Variants in RGS6 observed in about 807,000 individuals in gnomAD.
RGS6 encodes the protein regulator of G-protein signaling 6.
A neutral mutation model predicts 78.5 loss-of-function variants in RGS6; 30 were observed. The observed-to-expected ratio is 0.38, with a 90% CI of 0.29 to 0.52. The LOEUF (loss-of-function observed/expected upper bound fraction) is 0.52, where lower values mean the gene tolerates loss of function less well. Among genes scored for constraint, RGS6 ranks in the 20% least tolerant of loss-of-function variants. The probability of loss-of-function intolerance (pLI) is 0.85; values close to 1 mark genes in which losing one functional copy is unlikely to be tolerated. For missense variants in RGS6, 495 were observed against 609.7 expected (o/e 0.81, Z 1.98); for synonymous variants, 206 against 206.0 (o/e 1.00, Z 0.00).
In RGS6 at chr14:72,122,740, G is replaced by GGTTTTTTTTTTTTTTTTTTTTT. The variant is rs776587742; in HGVS notation, c.84+157865_84+157866insGTTTTTTTTTTTTTTTTTTTTT. Among the ~76,000 whole-genome samples, 2 of 132,312 alleles carry GGTTTTTTTTTTTTTTTTTTTTT rather than the reference G, an allele frequency of 1.5e-5. 1 individual carries two copies. The highest frequency in any genetic ancestry group is 3.2e-5 in the Non-Finnish European group (2 of 61,668). The allele number at this position is 132,312 out of a possible 152,430, so 86.8% of individuals were successfully genotyped here. On this transcript the variant is annotated intron_variant, in intron 2 of 17. Coordinates refer to ENST00000553525, the MANE Select transcript of RGS6 (RefSeq NM_001204424.2). ...CCAGCACTCTGGGTTCTAAGTTATC[G>GGTTTTTTTTTTTTTTTTTTTTT]TTTTTTTTTTTTTTTTCCATTCTAT...
chr14:72,225,301 T>A (rs2153799929), intron 2 of RGS6, among the ~76,000 whole-genome samples: 1 of 152,228 alleles, frequency 6.6e-6, no homozygotes, highest in Middle Eastern at 3.4e-3. Context: ...ATTAGATTTT[T>A]AAAAAAACAT....
intron 12 of RGS6, among the ~76,000 whole-genome samples, chr14:72,490,074 T>C (rs1490761866): frequency 1.3e-5 from 2 of 152,146 alleles, no homozygotes; most frequent in Non-Finnish European, 2.9e-5. Flanking sequence ...GTAAAGCTCT[T>C]GATATGGTTT....
chr14:72,143,623 T>C (rs987777020), intron 2 of RGS6, among the ~76,000 whole-genome samples: 31 of 152,154 alleles, frequency 2.0e-4, no homozygotes, highest in African/African-American at 6.8e-4. Context: ...AAGGCAAAAT[T>C]AGTGGACACT....
At chr14:71,938,448 A>AGT (rs1566869448) in intron 1 of RGS6, among the ~76,000 whole-genome samples, 1 of 152,162 alleles carries the variant, frequency 6.6e-6, no homozygotes, top group Admixed American at 6.5e-5. Flanking sequence ...AAAGGCCTGT[A>AGT]GTGCTGCAGC....
chr14:72,362,134 T>A (rs1261554999), intron 3 of RGS6, among the ~76,000 whole-genome samples: 1 of 152,130 alleles, frequency 6.6e-6, no homozygotes, highest in South Asian at 2.1e-4. Flanking sequence ...TCTAGAGTAG[T>A]CACAGACGAT....
intron 2 of RGS6, among the ~76,000 whole-genome samples, chr14:72,043,838 CTTCTG>C (rs1458492883): frequency 6.6e-6 from 1 of 152,106 alleles, no homozygotes; most frequent in Non-Finnish European, 1.5e-5. Flanking sequence ...CTTTCTTCCC[CTTCTG>C]TTCAGTTACA....
chr14:72,349,788 G>A (rs2152727946), intron 2 of RGS6, among the ~76,000 whole-genome samples: 1 of 152,292 alleles, frequency 6.6e-6, no homozygotes, highest in East Asian at 1.9e-4. Context: ...TTCAAATCCA[G>A]CCCGCAGCAG....
Position 72,458,393 on chromosome 14 carries a change from C to G in RGS6, c.342+16C>G, listed in dbSNP as rs1375502619. 6.3e-7 allele frequency: 1 copy of G among 1,581,170 alleles called. No individual in the cohort carries two copies. Among genetic ancestry groups the G allele is most frequent in the East Asian group, 2.2e-5 (1 of 44,706 alleles). On this transcript the variant is annotated intron_variant, in intron 5 of 17. Transcript: ENST00000553525. ...TCGTTTCCAGGTAAGCCTGCTGGCT[C>G]CTCCTCCTGAAGAACCTTTTCTTCA...
At chr14:72,336,768 A>C (rs1355383291) in intron 2 of RGS6, among the ~76,000 whole-genome samples, 1 of 152,062 alleles carries the variant, frequency 6.6e-6, no homozygotes, top group Non-Finnish European at 1.5e-5. Context: ...GGAGACCAGA[A>C]GTCTACGATC....
intron 2 of RGS6, among the ~76,000 whole-genome samples, chr14:72,155,653 CA>C (rs2096760172): frequency 6.6e-6 from 1 of 152,116 alleles, no homozygotes; most frequent in Non-Finnish European, 1.5e-5. Flanking sequence ...TTCTGATTAC[CA>C]ATTATGATTC....
chr14:72,295,554 A>G (rs2064638672), intron 2 of RGS6, among the ~76,000 whole-genome samples: 1 of 152,194 alleles, frequency 6.6e-6, no homozygotes, highest in South Asian at 2.1e-4. Flanking sequence ...AAAATGAAAT[A>G]AAATAATCTT....
chr14:71,929,266 C>T (rs1194718080), upstream of RGS6, among the ~76,000 whole-genome samples: 2 of 152,196 alleles, frequency 1.3e-5, no homozygotes, highest in Non-Finnish European at 2.9e-5. Context: ...TCACATGCTG[C>T]ATTTAGTTGT....
chr14:72,501,165 C>G (rs1000887959), intron 13 of RGS6, among the ~76,000 whole-genome samples: 1 of 151,950 alleles, frequency 6.6e-6, no homozygotes, highest in African/African-American at 2.4e-5. Flanking sequence ...TTTCCAGGGC[C>G]CAGGATGTCA....
chr14:71,872,470 G>T, the RGS6 span, among the ~76,000 whole-genome samples: 1,408 of 152,232 alleles, frequency 9.2e-3, 17 homozygotes, highest in African/African-American at 0.031. Context: ...CTCACTAGCT[G>T]CTATGGATAC....
chr14:72,095,644 G>C (rs2095386753), intron 2 of RGS6, among the ~76,000 whole-genome samples: 1 of 152,204 alleles, frequency 6.6e-6, no homozygotes, highest in Non-Finnish European at 1.5e-5. Context: ...ACAAAGACGA[G>C]AGCATTCACA....
chr14:71,956,083 AGCTT>A (rs2092765838), intron 1 of RGS6, among the ~76,000 whole-genome samples: 2 of 152,192 alleles, frequency 1.3e-5, no homozygotes. Flanking sequence ...GGGAGAAACA[AGCTT>A]GGTAGGAAAA....
intron 2 of RGS6, among the ~76,000 whole-genome samples, chr14:72,217,417 T>C (rs1210387649): frequency 6.6e-6 from 1 of 152,190 alleles, no homozygotes; most frequent in Non-Finnish European, 1.5e-5. Flanking sequence ...AGAAGACCTC[T>C]AGCATGAGAA....
intron 2 of RGS6, among the ~76,000 whole-genome samples, chr14:72,130,627 AT>A (rs1344735428): frequency 6.6e-6 from 1 of 152,166 alleles, no homozygotes; most frequent in African/African-American, 2.4e-5. Context: ...GACAAAATAG[AT>A]TTTGCTGTTC....
At chr14:72,089,647 T>A (rs554511229) in intron 2 of RGS6, among the ~76,000 whole-genome samples, 1 of 152,282 alleles carries the variant, frequency 6.6e-6, no homozygotes, top group South Asian at 2.1e-4. Flanking sequence ...GAAAAAAAAA[T>A]ATTTACTAGA....
Sources: gnomAD v4.1 joint callset for allele counts (sites outside exome capture counted in the v4.1 genomes callset) on GRCh38, gnomAD v4.1.1 for gene constraint, MANE v1.5 for transcripts, NCBI Gene and HGNC (gene_info 2026-07-23, HGNC 2026-07-21) for gene names.